The following DHRSX variants were observed in gnomAD, a reference collection of about 807,000 sequenced individuals.
DHRSX encodes the protein dehydrogenase/reductase X-linked.
DHRSX carries 31 observed loss-of-function variants against 34.0 expected under a neutral mutation model. The ratio of observed to expected loss-of-function variants is 0.91; its 90% CI spans 0.69 to 1.23. The LOEUF (loss-of-function observed/expected upper bound fraction) is 1.23, where lower values mean the gene tolerates loss of function less well. Ranked by LOEUF, DHRSX falls within the 50% of genes most tolerant of loss-of-function variation. DHRSX has a pLI of 0.00. For synonymous variants in DHRSX, 201 were observed against 183.8 expected (o/e 1.09, Z -0.76); for missense variants, 414 against 428.1 (o/e 0.97, Z 0.29).
At chrX:2,276,837 GGA>G (rs766631316) in intron 4 of DHRSX, among the ~76,000 whole-genome samples, 1 of 135,254 alleles carries the variant, frequency 7.4e-6, no homozygotes, top group Non-Finnish European at 1.6e-5. Flanking sequence ...GAGGGAACAG[GGA>G]GAGAGAGGGA....
intron 4 of DHRSX, among the ~76,000 whole-genome samples, chrX:2,282,354 A>G (rs185240557): frequency 2.9e-5 from 4 of 137,344 alleles, no homozygotes; most frequent in Non-Finnish European, 6.4e-5. Context: ...AGGAAGAGAG[A>G]AGGAGAGGGA....
intron 5 of DHRSX, among the ~76,000 whole-genome samples, chrX:2,251,491 A>G (rs1233808097): frequency 1.3e-5 from 2 of 152,100 alleles, no homozygotes; most frequent in Non-Finnish European, 2.9e-5. Context: ...TCTTTTAAAT[A>G]GTTCCAAGGT....
intron 3 of DHRSX, among the ~76,000 whole-genome samples, chrX:2,395,982 G>C (rs2043404542): frequency 6.6e-6 from 1 of 152,218 alleles, no homozygotes; most frequent in Admixed American, 6.5e-5. Flanking sequence ...ACTGGCTCTG[G>C]AGACCAAAAG....
chrX:2,486,514 G>C (rs2044934040), intron 1 of DHRSX: 1 of 152,172 alleles, frequency 6.6e-6, no homozygotes, highest in South Asian at 2.1e-4. Context: ...GGGAACGATG[G>C]CTTAAAAATA....
chrX:2,268,318 T>C (rs2041502145), intron 4 of DHRSX, among the ~76,000 whole-genome samples: 1 of 152,232 alleles, frequency 6.6e-6, no homozygotes, highest in South Asian at 2.1e-4. Flanking sequence ...TTAATGCCAA[T>C]GTAGATATGT....
At chrX:2,490,037 A>G in intron 1 of DHRSX, 1 of 1,613,782 alleles carries the variant, frequency 6.2e-7, no homozygotes, top group Non-Finnish European at 8.5e-7. Flanking sequence ...GCGGGAGCCC[A>G]TGGACAGGCA....
intron 3 of DHRSX, among the ~76,000 whole-genome samples, chrX:2,404,292 C>A (rs1181128929): frequency 6.6e-6 from 1 of 152,036 alleles, no homozygotes; most frequent in African/African-American, 2.4e-5. Context: ...ATGTGACAGG[C>A]CCGGAGAAGG....
chrX:2,408,690 C>G lies in DHRSX; in HGVS notation c.286+55G>C. ...GCTCAGCCATGAACCACGCAAACGA[C>G]CTGTCCCAAGGAAAAAAAAAAACAA... On this transcript the variant is annotated intron_variant, in intron 3 of 6. Transcript: ENST00000334651. 3.3e-6 allele frequency: 5 copies of G among 1,504,690 alleles called. No individual in the cohort carries two copies. In the South Asian group the frequency reaches 6.1e-5, roughly 18 times the overall value. The allele number at this position is 1,504,690 out of a possible 1,614,324, so 93.2% of individuals were successfully genotyped here. A position where few individuals can be genotyped will look rare whatever the true frequency, so the allele number is the denominator to read the frequency against.
intron 5 of DHRSX, among the ~76,000 whole-genome samples, chrX:2,264,397 C>T (rs772516375): frequency 9.9e-5 from 15 of 151,178 alleles, no homozygotes; most frequent in Admixed American, 7.9e-4. Flanking sequence ...GCAGGGAGCA[C>T]CATGCCCAGA....
chrX:2,275,014 G>A (rs1210046153), intron 4 of DHRSX, among the ~76,000 whole-genome samples: 2 of 152,072 alleles, frequency 1.3e-5, no homozygotes, highest in African/African-American at 4.8e-5. Context: ...TACCCCAGAG[G>A]AGGGATTGAC....
intron 2 of DHRSX, among the ~76,000 whole-genome samples, chrX:2,420,303 G>A (rs1261851973): frequency 6.6e-6 from 1 of 152,082 alleles, no homozygotes; most frequent in Non-Finnish European, 1.5e-5. Context: ...AGCTACTTGG[G>A]AGGCTGAGGC....
At chrX:2,250,632 C>T (rs1257212942) in intron 5 of DHRSX, among the ~76,000 whole-genome samples, 3 of 152,020 alleles carry the variant, frequency 2.0e-5, no homozygotes, top group South Asian at 4.2e-4. Flanking sequence ...AGAGGTCAGT[C>T]GTCACCATCT....
At position 2,254,636 on chromosome X, in the gene DHRSX, G is replaced by A. The variant is rs191417469; in HGVS notation, c.597-11406C>T. Among the ~76,000 whole-genome samples, 25 of 152,154 alleles carry A rather than the reference G, an allele frequency of 1.6e-4. 1 individual carries two copies. The East Asian group carries it at 4.8e-3, about 29-fold the overall frequency. On this transcript the variant is annotated intron_variant, in intron 5 of 6. Transcript: ENST00000334651. ...GAACTCAGAAAATACTGCGAATAAA[G>A]AGAGGTTTTTTTTGTTTGTTTGTTT...
intron 2 of DHRSX, among the ~76,000 whole-genome samples, chrX:2,421,958 A>T (rs750139756): frequency 6.6e-6 from 1 of 152,184 alleles, no homozygotes; most frequent in Non-Finnish European, 1.5e-5. Flanking sequence ...CTGTCCAATG[A>T]GCACCAACAG....
chrX:2,296,236 G>T (rs763374394), intron 3 of DHRSX, among the ~76,000 whole-genome samples: 41 of 152,282 alleles, frequency 2.7e-4, no homozygotes, highest in Middle Eastern at 3.4e-3. Flanking sequence ...GGCTCTCTGG[G>T]CACACCCAGA....
At chrX:2,233,778 G>A (rs1475305911) in intron 6 of DHRSX, among the ~76,000 whole-genome samples, 1 of 151,894 alleles carries the variant, frequency 6.6e-6, no homozygotes, top group East Asian at 1.9e-4. Flanking sequence ...AAAAAAAAAA[G>A]ATGAAACACA....
rs1442837970 is a variant in DHRSX at position 2,382,780 on chromosome X, C to T, written c.286+25965G>A. On this transcript the variant is annotated intron_variant, in intron 3 of 6. Transcript: ENST00000334651. ...ATCATCATCATCATCATCACCATCA[C>T]CATCATCACCATCATCATCACCATC... Among the ~76,000 whole-genome samples, 208 of 120,032 alleles carry T rather than the reference C, an allele frequency of 1.7e-3. 12 individuals carry two copies. The East Asian group carries it at 0.028, about 16-fold the overall frequency. 78.7% of individuals were successfully genotyped at this position (120,032 alleles called of 152,430 possible).
At chrX:2,246,662 A>C (rs942621674) in intron 5 of DHRSX, among the ~76,000 whole-genome samples, 2 of 112,590 alleles carry the variant, frequency 1.8e-5, no homozygotes, top group African/African-American at 5.6e-5. Context: ...GAAAGAAAGA[A>C]AAGAAAGAAA....
chrX:2,225,165 C>G (rs2015622066), intron 6 of DHRSX, among the ~76,000 whole-genome samples: 1 of 124,884 alleles, frequency 8.0e-6, no homozygotes, highest in Non-Finnish European at 1.6e-5. Context: ...TTCACATGCA[C>G]TCACACACGC....
Sources: allele counts gnomAD v4.1 joint callset (sites outside exome capture counted in the v4.1 genomes callset), GRCh38; gene constraint gnomAD v4.1.1; transcripts MANE v1.5; gene names NCBI Gene and HGNC (gene_info 2026-07-23, HGNC 2026-07-21).